The following NR2C1 variants were observed in gnomAD, a reference collection of about 807,000 sequenced individuals.
NR2C1 encodes TR2 nuclear hormone receptor.
A neutral mutation model predicts 74.8 loss-of-function variants in NR2C1; 33 were observed. The ratio of observed to expected loss-of-function variants is 0.44; its 90% CI spans 0.33 to 0.59. The LOEUF (loss-of-function observed/expected upper bound fraction) is 0.59. NR2C1 is among the 20% of genes least tolerant of loss of function. The pLI is 0.02. For missense variants in NR2C1, 568 were observed against 715.6 expected (o/e 0.79, Z 2.35); for synonymous variants, 225 against 240.6 (o/e 0.94, Z 0.60).
intron 10 of NR2C1, among the ~76,000 whole-genome samples, chr12:95,035,181 GT>G (rs1401390882): frequency 2.0e-5 from 3 of 152,144 alleles, no homozygotes; most frequent in African/African-American, 4.8e-5. Context: ...AGAATAGGAT[GT>G]GTAAATATGT....
chr12:95,022,174 G>A lies in NR2C1; in HGVS notation c.*55C>T. 4 of 1,365,888 alleles carry A rather than the reference G, an allele frequency of 2.9e-6. No individual in the cohort carries two copies. Among genetic ancestry groups the A allele is most frequent in the Non-Finnish European group, 3.9e-6 (4 of 1,021,270 alleles). The allele number at this position is 1,365,888 out of a possible 1,614,324, so 84.6% of individuals were successfully genotyped here. A position where few individuals can be genotyped will look rare whatever the true frequency, so the allele number is the denominator to read the frequency against. On this transcript the variant is annotated 3_prime_UTR_variant, in exon 14 of 14. Transcript: ENST00000333003. The stretch of plus-strand genomic sequence containing the variant: ...CCTCAAAAGCAGTGAGTTCAATTTG[G>A]TGTCTTGTGTTCTGGCAAAGAACAG...
Position 95,051,868 on chromosome 12 carries a change from C to CT in NR2C1, c.858dup (p.Asp287ArgfsTer6), listed in dbSNP as rs1225894635. The CT allele has an allele frequency of 6.2e-7, 1 of 1,611,862 alleles. No individual in the cohort carries two copies. The highest frequency in any genetic ancestry group is 8.5e-7 in the Non-Finnish European group (1 of 1,179,414). On this transcript the variant is annotated frameshift_variant, in exon 8 of 14. Transcript: ENST00000333003. LOFTEE classifies it high-confidence loss of function. ...ATTTCATTACTATTTTGAGAAAGAT[C>CT]TTTAGTTTTTCCAAGATTCGCTAAT...
chr12:95,044,096 A>C (rs1871975780), intron 9 of NR2C1, among the ~76,000 whole-genome samples: 1 of 152,204 alleles, frequency 6.6e-6, no homozygotes, highest in African/African-American at 2.4e-5. Context: ...TTAGGTTTAT[A>C]AATTGAATTA....
chr12:95,044,422 C>T (rs1872027784), intron 9 of NR2C1, among the ~76,000 whole-genome samples: 1 of 151,858 alleles, frequency 6.6e-6, no homozygotes, highest in Non-Finnish European at 1.5e-5. Flanking sequence ...TGCCCGCCAC[C>T]ACACCCGGCT....
At chr12:95,055,937 A>G (rs905969726) in intron 7 of NR2C1, among the ~76,000 whole-genome samples, 1 of 135,678 alleles carries the variant, frequency 7.4e-6, no homozygotes, top group Non-Finnish European at 1.5e-5. Context: ...GGGGTAACAG[A>G]GCAAGACTCC....
intron 9 of NR2C1, 139 bp downstream of exon 9, chr12:95,048,929 G>A: frequency 1.3e-6 from 1 of 792,284 alleles, no homozygotes; most frequent in Non-Finnish European, 2.0e-6. Context: ...TGGCCCAGAT[G>A]AGTGTTTTAG....
At chr12:95,031,241 C>G (rs1294373505) in intron 11 of NR2C1, 108 bp downstream of exon 11, 1 of 921,778 alleles carries the variant, frequency 1.1e-6, no homozygotes, top group Admixed American at 3.1e-5. Flanking sequence ...GCATTGGTAC[C>G]TAAAACACTA....
chr12:95,032,144 A>G (rs372252943), intron 10 of NR2C1, among the ~76,000 whole-genome samples: 16 of 152,380 alleles, frequency 1.1e-4, no homozygotes, highest in African/African-American at 3.8e-4. Context: ...TTGGGATTAC[A>G]GGCGTGAGCC....
At chr12:95,049,441 G>C (rs1265045787) in intron 8 of NR2C1, 1 of 411,942 alleles carries the variant, frequency 2.4e-6, no homozygotes, top group Non-Finnish European at 4.3e-6. Flanking sequence ...TTAAAATCTT[G>C]CATAATTAAG....
chr12:95,035,686 G>C (rs1350033435), intron 10 of NR2C1, among the ~76,000 whole-genome samples: 1 of 152,118 alleles, frequency 6.6e-6, no homozygotes, highest in East Asian at 1.9e-4. Context: ...ACTACAGAAA[G>C]GTATCTATTT....
intron 1 of NR2C1, chr12:95,072,989 G>A (rs938332129): frequency 5.3e-5 from 8 of 152,260 alleles, no homozygotes; most frequent in Admixed American, 1.3e-4. Flanking sequence ...GTGCGCCCTG[G>A]AAGCCCCGGC....
At chr12:95,043,155 G>C (rs1366571383) in intron 9 of NR2C1, among the ~76,000 whole-genome samples, 2 of 152,104 alleles carry the variant, frequency 1.3e-5, no homozygotes, top group African/African-American at 4.8e-5. Context: ...CAGTTACTTA[G>C]CAGACTGAGG....
intron 9 of NR2C1, among the ~76,000 whole-genome samples, chr12:95,047,999 A>G (rs908047359): frequency 6.6e-6 from 1 of 152,254 alleles, no homozygotes; most frequent in Non-Finnish European, 1.5e-5. Flanking sequence ...ATAAATTATA[A>G]ATGTACCTTC....
At chr12:95,035,734 A>G (rs758271662) in intron 10 of NR2C1, among the ~76,000 whole-genome samples, 4 of 152,238 alleles carry the variant, frequency 2.6e-5, no homozygotes, top group African/African-American at 4.8e-5. Context: ...CCCTGATGGT[A>G]TAGCTAGCTA....
chr12:95,067,483 G>A, intron 1 of NR2C1, 92 bp from the exon 2 acceptor site: 3 of 1,041,920 alleles, frequency 2.9e-6, no homozygotes, highest in Non-Finnish European at 2.8e-6. Context: ...TTTAAGATTT[G>A]CTTCAAAATA....
chr12:95,022,473 G>A, intron 13 of NR2C1, 70 bp from the exon 14 acceptor site: 3 of 1,227,270 alleles, frequency 2.4e-6, no homozygotes, highest in East Asian at 2.4e-5. Flanking sequence ...AGAAAAATAT[G>A]AGTAATTTCT....
At chr12:95,068,330 T>G (rs1876042272) in intron 1 of NR2C1, among the ~76,000 whole-genome samples, 1 of 152,218 alleles carries the variant, frequency 6.6e-6, no homozygotes, top group Admixed American at 6.5e-5. Flanking sequence ...ATCTCCAATA[T>G]ACTCAATTCT....
intron 10 of NR2C1, among the ~76,000 whole-genome samples, chr12:95,032,725 C>T (rs765311793): frequency 1.7e-4 from 26 of 151,616 alleles, no homozygotes; most frequent in Non-Finnish European, 3.2e-4. Context: ...CCCAGCACTT[C>T]GGGAGGCTGA....
chr12:95,057,229 C>T (rs942619461), intron 7 of NR2C1, among the ~76,000 whole-genome samples: 2 of 151,040 alleles, frequency 1.3e-5, no homozygotes, highest in African/African-American at 2.4e-5. Context: ...CTCAGCCTCC[C>T]GAGTAGCTGG....
Sources: gnomAD v4.1 joint callset for allele counts (sites outside exome capture counted in the v4.1 genomes callset) on GRCh38, gnomAD v4.1.1 for gene constraint, MANE v1.5 for transcripts, NCBI Gene and HGNC (gene_info 2026-07-23, HGNC 2026-07-21) for gene names.